Variants in CFAP47 observed in about 807,000 individuals in gnomAD.
CFAP47 encodes cilia and flagella associated protein 47.
Under a neutral mutation model 148.1 loss-of-function variants are expected in CFAP47, and 29 were observed. The observed-to-expected ratio is 0.20, with a 90% CI of 0.15 to 0.27. The LOEUF is 0.27. Ranked by LOEUF, CFAP47 falls within the 10% of genes least tolerant of loss-of-function variation. The probability of loss-of-function intolerance (pLI) is 1.00; values close to 1 mark genes in which losing one functional copy is unlikely to be tolerated. For synonymous variants in CFAP47, 664 were observed against 577.3 expected (o/e 1.15, Z -2.15); for missense variants, 1,872 against 1,697.5 (o/e 1.10, Z -1.81).
At chrX:35,953,850 C>A in intron 7 of CFAP47, 131 bp downstream of exon 7, 1 of 420,357 alleles carries the variant, frequency 2.4e-6, no homozygotes, top group Non-Finnish European at 3.8e-6. Context: ...CAAACATGTT[C>A]AAGAGACCTT....
chrX:36,241,853 G>A lies in CFAP47; in HGVS notation c.7332+4994G>A, dbSNP rs1049742504. On this transcript the variant is annotated intron_variant, in intron 48 of 63. Transcript: ENST00000378653. ...CCAAGTGAGCCCCCTGGCCTGGAAC[G>A]CCTAACAAAAGAAATGTGGGTGCAG... is the stretch of plus-strand genomic sequence containing the variant. 2.7e-5 allele frequency among the ~76,000 whole-genome samples: 3 copies of A among 111,987 alleles called. No homozygotes were observed. The South Asian group carries it at 1.1e-3, about 42-fold the overall frequency.
At position 36,061,956 on chromosome X, in the gene CFAP47, A is replaced by G. The variant is rs182508468; in HGVS notation, c.4218-3687A>G. Reference sequence around the variant, plus strand: ...AAATATCGTTCCTTAATCAAAAGCAATGTTACCATAACCTCTTCTTTTAAC... The same window carrying G: ...AAATATCGTTCCTTAATCAAAAGCAGTGTTACCATAACCTCTTCTTTTAAC... On this transcript the variant is annotated intron_variant, in intron 26 of 63. Coordinates refer to ENST00000378653, the MANE Select transcript of CFAP47 (RefSeq NM_001304548.2). Among the ~76,000 whole-genome samples the G allele has an allele frequency of 7.1e-5, 8 of 111,892 alleles. No homozygotes were observed. The East Asian group carries it at 1.1e-3, about 16-fold the overall frequency.
At chrX:36,171,287 A>G (rs891011256) in intron 39 of CFAP47, among the ~76,000 whole-genome samples, 323 of 109,184 alleles carry the variant, frequency 3.0e-3, no homozygotes, top group Non-Finnish European at 3.7e-3. Flanking sequence ...GCTGTGCAGA[A>G]GCTCTTGAGT....
At chrX:35,921,969 A>T (rs776373018) in intron 1 of CFAP47, among the ~76,000 whole-genome samples, 9 of 111,760 alleles carry the variant, frequency 8.1e-5, no homozygotes, top group African/African-American at 2.9e-4. Flanking sequence ...GCTGGTAGAA[A>T]AATAAGAAGA....
chrX:36,329,720 G>T (rs948367880), intron 57 of CFAP47, among the ~76,000 whole-genome samples: 2 of 110,935 alleles, frequency 1.8e-5, no homozygotes, highest in Non-Finnish European at 1.9e-5. Flanking sequence ...TAAGATCAAG[G>T]GTTTTATTTT....
intron 48 of CFAP47, among the ~76,000 whole-genome samples, chrX:36,244,227 G>A (rs1290279511): frequency 9.0e-6 from 1 of 111,449 alleles, no homozygotes; most frequent in Admixed American, 9.6e-5. Context: ...CTGGGATACA[G>A]CTAAAGCGAT....
chrX:36,146,580 G>T (rs1939236015), intron 36 of CFAP47, among the ~76,000 whole-genome samples: 1 of 110,703 alleles, frequency 9.0e-6, no homozygotes, highest in Admixed American at 9.6e-5. Flanking sequence ...AACAAGCTTT[G>T]ATTTTAACTT....
intron 40 of CFAP47, among the ~76,000 whole-genome samples, chrX:36,187,211 A>C (rs781837327): frequency 8.9e-6 from 1 of 112,199 alleles, no homozygotes; most frequent in Admixed American, 9.5e-5. Context: ...CTAGGTCTGC[A>C]ATGTGTTCTG....
At chrX:36,164,304 T>C (rs952699945) in intron 39 of CFAP47, among the ~76,000 whole-genome samples, 1 of 111,836 alleles carries the variant, frequency 8.9e-6, no homozygotes, top group Non-Finnish European at 1.9e-5. Flanking sequence ...GTTGATCTGT[T>C]CATTTCTCCC....
chrX:36,361,223 C>A, intron 60 of CFAP47, 107 bp from the exon 61 acceptor site: 1 of 411,731 alleles, frequency 2.4e-6, no homozygotes. Flanking sequence ...TATATACCCC[C>A]TCCCTTTCTC....
intron 30 of CFAP47, 145 bp downstream of exon 30, chrX:36,085,683 G>GTATATATATAT (rs1555971215): frequency 5.1e-6 from 1 of 194,312 alleles, no homozygotes; most frequent in Admixed American, 7.7e-5. Context: ...ATACACACAC[G>GTATATATATAT]TATATATATA....
rs1937929739 is a variant in CFAP47 at position 36,079,410 on chromosome X, C to A, written c.4692-5904C>A. Among the ~76,000 whole-genome samples, 7 of 111,460 alleles carry A rather than the reference C, an allele frequency of 6.3e-5. No homozygotes were observed. In the South Asian group the frequency reaches 2.6e-3, roughly 42 times the overall value. ...TTTTTTCTCTAAACTTCTTTTCTTG[C>A]TTCATTTCATTCATTTGATCTTCAG... On this transcript the variant is annotated intron_variant, in intron 29 of 63. Coordinates refer to ENST00000378653, the MANE Select transcript of CFAP47 (RefSeq NM_001304548.2).
At chrX:36,062,396 T>A (rs775275242) in intron 26 of CFAP47, among the ~76,000 whole-genome samples, 1 of 111,536 alleles carries the variant, frequency 9.0e-6, no homozygotes, top group South Asian at 3.7e-4. Context: ...TTCCTAAAAA[T>A]TGCTCAGACA....
At chrX:36,101,308 C>T (rs1379760122) in intron 32 of CFAP47, among the ~76,000 whole-genome samples, 1 of 111,983 alleles carries the variant, frequency 8.9e-6, no homozygotes, top group Admixed American at 9.5e-5. Context: ...ATAGTTATAA[C>T]ACAGAATGCA....
intron 41 of CFAP47, among the ~76,000 whole-genome samples, chrX:36,189,095 A>G (rs1939838258): frequency 8.9e-6 from 1 of 111,768 alleles, no homozygotes; most frequent in East Asian, 2.8e-4. Flanking sequence ...AGATGGATAT[A>G]ATGATCGGTA....
At chrX:36,050,961 C>T (rs1194359052) in intron 26 of CFAP47, among the ~76,000 whole-genome samples, 1 of 112,416 alleles carries the variant, frequency 8.9e-6, no homozygotes, top group Non-Finnish European at 1.9e-5. Context: ...AAGTCCCAAG[C>T]CTTGGCAGCT....
intron 49 of CFAP47, among the ~76,000 whole-genome samples, chrX:36,279,950 C>T (rs1342678340): frequency 9.0e-6 from 1 of 110,923 alleles, no homozygotes; most frequent in African/African-American, 3.3e-5. Flanking sequence ...GCAGTCCACC[C>T]TCCTCAGCCT....
At chrX:36,004,121 T>C (rs1404816732) in intron 21 of CFAP47, among the ~76,000 whole-genome samples, 1 of 108,725 alleles carries the variant, frequency 9.2e-6, no homozygotes, top group Non-Finnish European at 1.9e-5. Context: ...TACAGGCATG[T>C]GCCACCACAC....
At position 36,378,403 on chromosome X, in the gene CFAP47, A is replaced by G. The variant is rs782343771; in HGVS notation, c.9186-947A>G. Among the ~76,000 whole-genome samples, 4 of 112,343 alleles carry G rather than the reference A, an allele frequency of 3.6e-5. No homozygotes were observed. In the South Asian group the frequency reaches 1.5e-3, roughly 41 times the overall value. Reference sequence around the variant, plus strand: ...ATGAGTAAATATCGCCATGGAATAGAAACGGAAACAAAAGGTATTATGATA... The same window carrying G: ...ATGAGTAAATATCGCCATGGAATAGGAACGGAAACAAAAGGTATTATGATA... On this transcript the variant is annotated intron_variant, in intron 62 of 63. Coordinates refer to ENST00000378653, the MANE Select transcript of CFAP47 (RefSeq NM_001304548.2).
Sources: gnomAD v4.1 joint callset for allele counts (sites outside exome capture counted in the v4.1 genomes callset) on GRCh38, gnomAD v4.1.1 for gene constraint, MANE v1.5 for transcripts, NCBI Gene and HGNC (gene_info 2026-07-23, HGNC 2026-07-21) for gene names.